FARP2: variants seen among roughly 807,000 people sequenced by gnomAD.
FARP2 encodes FERM, ARH/RhoGEF and pleckstrin domain protein 2, also known as FERM, ARHGEF and pleckstrin domain-containing protein 2.
A neutral mutation model predicts 130.5 loss-of-function variants in FARP2; 111 were observed. That is an observed-to-expected ratio of 0.85 (90% CI 0.73 to 1.00). The LOEUF (loss-of-function observed/expected upper bound fraction) is 1.00, where lower values mean the gene tolerates loss of function less well. Among genes scored for constraint, FARP2 ranks in the 50% least tolerant of loss-of-function variants. The pLI, the probability that FARP2 is intolerant of heterozygous loss-of-function variation, is 0.00. For missense variants in FARP2, 1,385 were observed against 1,346.3 expected (o/e 1.03, Z -0.45); for synonymous variants, 504 against 516.9 (o/e 0.98, Z 0.34).
At position 241,379,568 on chromosome 2, in the gene FARP2, G is replaced by A. The variant is rs908420811; in HGVS notation, c.183+6278G>A. 5.3e-5 allele frequency among the ~76,000 whole-genome samples: 8 copies of A among 152,288 alleles called. No individual in the cohort carries two copies. The East Asian group carries it at 1.4e-3, about 26-fold the overall frequency. ...AGTAGGAAGACAAATTCTCAGTCAC[G>A]AAGTTCTGTGCTAGAAGACTTTAAC... On this transcript the variant is annotated intron_variant, in intron 2 of 26. Transcript: ENST00000264042.
intron 12 of FARP2, among the ~76,000 whole-genome samples, chr2:241,438,518 C>G (rs1399381730): frequency 6.6e-6 from 1 of 152,100 alleles, no homozygotes; most frequent in Non-Finnish European, 1.5e-5. Context: ...AATTGTACCA[C>G]TGCACCCCAG....
At chr2:241,395,677 G>C (rs1236466239) in intron 2 of FARP2, 1 of 152,108 alleles carries the variant, frequency 6.6e-6, no homozygotes, top group East Asian at 1.9e-4. Flanking sequence ...CAGTATTTAT[G>C]GTCATAACAG....
intron 7 of FARP2, among the ~76,000 whole-genome samples, chr2:241,414,157 C>G (rs779774745): frequency 2.0e-5 from 3 of 152,048 alleles, no homozygotes; most frequent in African/African-American, 7.2e-5. Flanking sequence ...CATTGGGAAT[C>G]GCCTGGCACC....
At chr2:241,410,094 C>T (rs909544368) in intron 5 of FARP2, among the ~76,000 whole-genome samples, 6 of 152,146 alleles carry the variant, frequency 3.9e-5, no homozygotes, top group African/African-American at 1.4e-4. Context: ...GTACCTAGAA[C>T]GTAATTCACG....
intron 6 of FARP2, 136 bp from the exon 7 acceptor site, chr2:241,413,171 A>G: frequency 3.5e-6 from 2 of 571,222 alleles, no homozygotes; most frequent in South Asian, 4.7e-5. Flanking sequence ...TTAAATAAAA[A>G]ATCTTGCTTT....
At chr2:241,361,766 G>A (rs1482413145) in intron 1 of FARP2, among the ~76,000 whole-genome samples, 1 of 152,126 alleles carries the variant, frequency 6.6e-6, no homozygotes, top group East Asian at 1.9e-4. Flanking sequence ...AGGTGAAGGT[G>A]CTAAGTGAAT....
intron 6 of FARP2, among the ~76,000 whole-genome samples, chr2:241,412,202 G>C (rs894821598): frequency 5.9e-5 from 9 of 152,130 alleles, no homozygotes; most frequent in African/African-American, 2.2e-4. Context: ...GGCTTGTACA[G>C]GGAAATGGCC....
At chr2:241,365,187 A>G (rs1330435568) in intron 1 of FARP2, among the ~76,000 whole-genome samples, 2 of 152,242 alleles carry the variant, frequency 1.3e-5, no homozygotes, top group Admixed American at 6.5e-5. Context: ...GAAAATTCCA[A>G]ACATTCACAA....
At chr2:241,454,348 C>T (rs546776083) in intron 13 of FARP2, among the ~76,000 whole-genome samples, 2 of 152,288 alleles carry the variant, frequency 1.3e-5, no homozygotes, top group South Asian at 2.1e-4. Flanking sequence ...ATAGTGAAGG[C>T]CGACGCTGAC....
intron 1 of FARP2, among the ~76,000 whole-genome samples, chr2:241,366,125 A>ATATATATACACATATATATATATACG (rs747717812): frequency 7.0e-4 from 47 of 67,334 alleles, no homozygotes; most frequent in South Asian, 2.0e-3. Flanking sequence ...ATATATACGT[A>ATATATATACACATATATATATATACG]TATATATATA....
rs1210171253 is a variant in FARP2 at position 241,404,818 on chromosome 2, A to C, written c.308A>C (p.Lys103Thr). Reference sequence around the variant, plus strand: ...CTTTAGATTTGGCTTGAACCTATGAAACCCATCATTAGGCAAATACGAAGT... The same window carrying C: ...CTTTAGATTTGGCTTGAACCTATGACACCCATCATTAGGCAAATACGAAGT... ...QSYWIWLEPMKPIIRQIRRPK... is the reference protein window; with the variant it reads ...QSYWIWLEPMTPIIRQIRRPK... The change falls in exon 4 of 27, where the codon AAA becomes ACA. Residue 103 changes from lysine (K) to threonine (T), a missense_variant. Transcript: ENST00000264042. The C allele has an allele frequency of 1.9e-6, 3 of 1,610,026 alleles. No homozygotes were observed. Among genetic ancestry groups the C allele is most frequent in the Non-Finnish European group, 2.5e-6 (3 of 1,176,540 alleles).
rs376813737 is a variant in FARP2, at chr2:241,468,307, C to T, written c.2061C>T (p.His687=). ...FLLKPIQRLL[H]YRLLLRRLCG... ...TGAAGCCCATCCAGCGGCTGCTGCA[C>T]TACCGCCTGCTGCTGCGCCGCCTAT... The change falls in exon 18 of 27, where the codon CAC becomes CAT. Residue 687 remains histidine, a synonymous_variant. Transcript: ENST00000264042. 2 of 1,613,428 alleles carry T rather than the reference C, an allele frequency of 1.2e-6. No individual in the cohort carries two copies. Among genetic ancestry groups the T allele is most frequent in the Admixed American group, 1.7e-5 (1 of 60,034 alleles).
chr2:241,472,684 C>T (rs867385077), intron 18 of FARP2, among the ~76,000 whole-genome samples: 1 of 151,700 alleles, frequency 6.6e-6, no homozygotes, highest in Non-Finnish European at 1.5e-5. Flanking sequence ...GGACTCTGTT[C>T]TGAGGGGACT....
At chr2:241,464,661 G>T (rs2064122789) in intron 17 of FARP2, among the ~76,000 whole-genome samples, 1 of 151,824 alleles carries the variant, frequency 6.6e-6, no homozygotes, top group South Asian at 2.1e-4. Flanking sequence ...TCAGAATAAA[G>T]TTCCCTCAAA....
rs1037285100 is a variant in FARP2, at chr2:241,443,059, G to C, written c.1411+1503G>C. The stretch of plus-strand genomic sequence containing the variant: ...AGATGGCCATAGGCCATGGCCTCCT[G>C]TGTGCTGTGGTCAAACTCGTGGGAC... On this transcript the variant is annotated intron_variant, in intron 13 of 26. Transcript: ENST00000264042. 9 of 221,626 alleles carry C rather than the reference G, an allele frequency of 4.1e-5. No individual in the cohort carries two copies. The South Asian group carries it at 5.8e-4, about 14-fold the overall frequency. The allele number at this position is 221,626 out of a possible 1,614,324, so 13.7% of individuals were successfully genotyped here.
In FARP2 at chr2:241,407,674, C is replaced by G. The variant is rs576813729; in HGVS notation, c.410+59C>G. 2.5e-5 allele frequency: 32 copies of G among 1,264,162 alleles called. No individual in the cohort carries two copies. In the South Asian group the frequency reaches 3.6e-4, roughly 14 times the overall value. 78.3% of individuals were successfully genotyped at this position (1,264,162 alleles called of 1,614,324 possible). ...CAGGAATCTTGTATTCACCTGTTATCTCCCACAGCACCTGGCTCATTGAAA... is the reference window on the plus strand; with the variant it reads ...CAGGAATCTTGTATTCACCTGTTATGTCCCACAGCACCTGGCTCATTGAAA... On this transcript the variant is annotated intron_variant, in intron 5 of 26. Coordinates refer to ENST00000264042, the MANE Select transcript of FARP2 (RefSeq NM_014808.4).
At chr2:241,442,457 A>G in intron 13 of FARP2, 1 of 456,420 alleles carries the variant, frequency 2.2e-6, no homozygotes, top group Non-Finnish European at 4.4e-6. Flanking sequence ...ACAAGTGGAG[A>G]AAGAGTCCCT....
At chr2:241,486,498 A>G (rs1359750051) in intron 21 of FARP2, among the ~76,000 whole-genome samples, 1 of 96,606 alleles carries the variant, frequency 1.0e-5, no homozygotes, top group Non-Finnish European at 2.1e-5. Flanking sequence ...CACAGAGAAA[A>G]GAAACAAGAA....
intron 19 of FARP2, chr2:241,477,964 G>C (rs942334673): frequency 6.6e-6 from 1 of 152,582 alleles, no homozygotes; most frequent in African/African-American, 2.4e-5. Flanking sequence ...TGAGTTTTAA[G>C]AGTTCTTTAT....
Sources: gnomAD v4.1 joint callset for allele counts (sites outside exome capture counted in the v4.1 genomes callset) on GRCh38, gnomAD v4.1.1 for gene constraint, MANE v1.5 for transcripts, NCBI Gene and HGNC (gene_info 2026-07-23, HGNC 2026-07-21) for gene names.